MCTP1: variants seen among roughly 807,000 people sequenced by gnomAD.
The protein encoded by MCTP1 is multiple C2 and transmembrane domain containing 1.
MCTP1 carries 69 observed loss-of-function variants against 120.6 expected under a neutral mutation model. The ratio of observed to expected loss-of-function variants is 0.57; its 90% CI spans 0.47 to 0.70. MCTP1 has a LOEUF of 0.70. MCTP1 is among the 30% of genes least tolerant of loss of function. The pLI, the probability that MCTP1 is intolerant of heterozygous loss-of-function variation, is 0.00. For synonymous variants in MCTP1, 529 were observed against 493.1 expected, an observed-to-expected ratio of 1.07 and a Z score of -0.96; for missense variants, 1,203 against 1,248.8, an observed-to-expected ratio of 0.96 and a Z score of 0.55.
At chr5:95,061,497 G>A (rs184076553) in intron 1 of MCTP1, among the ~76,000 whole-genome samples, 5 of 124,886 alleles carry the variant, frequency 4.0e-5, no homozygotes, top group Middle Eastern at 6.2e-3. Context: ...GTGCAGTGGC[G>A]GGATCTCGGC....
At chr5:94,876,747 G>T (rs1798954150) in intron 12 of MCTP1, among the ~76,000 whole-genome samples, 1 of 152,034 alleles carries the variant, frequency 6.6e-6, no homozygotes, top group Admixed American at 6.6e-5. Flanking sequence ...TGCTGGTTGA[G>T]GGCAGGGGCT....
At chr5:94,785,490 G>C (rs936776414) in intron 18 of MCTP1, among the ~76,000 whole-genome samples, 2 of 151,982 alleles carry the variant, frequency 1.3e-5, no homozygotes, top group Non-Finnish European at 2.9e-5. Context: ...AGGGAAAAAA[G>C]TATACACCAA....
chr5:94,925,865 G>T (rs190371936), intron 6 of MCTP1, among the ~76,000 whole-genome samples: 5 of 152,154 alleles, frequency 3.3e-5, no homozygotes, highest in African/African-American at 7.2e-5. Flanking sequence ...TATAAGAGTA[G>T]TAAGATGCAT....
intron 8 of MCTP1, among the ~76,000 whole-genome samples, chr5:94,917,161 T>C (rs1482258973): frequency 6.6e-6 from 1 of 152,186 alleles, no homozygotes; most frequent in Non-Finnish European, 1.5e-5. Context: ...TTTATTGAAG[T>C]GTTGCTAGTC....
chr5:94,850,852 T>C (rs950325920), intron 17 of MCTP1, among the ~76,000 whole-genome samples: 2 of 152,154 alleles, frequency 1.3e-5, no homozygotes, highest in African/African-American at 4.8e-5. Flanking sequence ...TCACAAAATT[T>C]GGAATTAGTT....
At chr5:94,792,686 A>G (rs1278716610) in intron 18 of MCTP1, 1 of 151,906 alleles carries the variant, frequency 6.6e-6, no homozygotes, top group East Asian at 1.9e-4. Flanking sequence ...ACAAAAGCAA[A>G]ACAACAACAA....
At chr5:94,977,443 TA>T (rs1331077131) in intron 2 of MCTP1, among the ~76,000 whole-genome samples, 18 of 151,996 alleles carry the variant, frequency 1.2e-4, no homozygotes, top group African/African-American at 3.6e-4. Flanking sequence ...ATTCCAATGA[TA>T]TTTTTTACAG....
At chr5:95,128,771 G>A (rs538546593) in intron 1 of MCTP1, among the ~76,000 whole-genome samples, 1 of 152,280 alleles carries the variant, frequency 6.6e-6, no homozygotes, top group African/African-American at 2.4e-5. Context: ...ATCAATGCAC[G>A]ACTCTGTGAA....
At chr5:95,102,091 A>G (rs565688859) in intron 1 of MCTP1, among the ~76,000 whole-genome samples, 1 of 152,256 alleles carries the variant, frequency 6.6e-6, no homozygotes, top group African/African-American at 2.4e-5. Flanking sequence ...GGTGGAATTT[A>G]CTTTCCCTCC....
At chr5:94,735,475 C>T (rs1662539007) in intron 19 of MCTP1, among the ~76,000 whole-genome samples, 1 of 152,040 alleles carries the variant, frequency 6.6e-6, no homozygotes, top group Admixed American at 6.6e-5. Context: ...CAGGGTCTTT[C>T]CATGATGCCC....
intron 1 of MCTP1, among the ~76,000 whole-genome samples, chr5:95,276,251 A>ATTTTTTTTT (rs34667866): frequency 4.7e-5 from 4 of 84,742 alleles, no homozygotes; most frequent in African/African-American, 1.4e-4. Context: ...CAATATTGGG[A>ATTTTTTTTT]TTTTTTTTTT....
chr5:95,006,270 A>C (rs1053006202), intron 2 of MCTP1, among the ~76,000 whole-genome samples: 7 of 151,698 alleles, frequency 4.6e-5, no homozygotes, highest in Middle Eastern at 3.2e-3. Context: ...CATACACATA[A>C]ACACATATAC....
In MCTP1 at chr5:94,914,331, G is replaced by A. The variant is rs1003568608; in HGVS notation, c.1351-1355C>T. 5.3e-5 allele frequency among the ~76,000 whole-genome samples: 8 copies of A among 152,136 alleles called. No homozygotes were observed. In the South Asian group the frequency reaches 6.2e-4, roughly 12 times the overall value. On this transcript the variant is annotated intron_variant, in intron 8 of 22. Coordinates refer to ENST00000515393, the MANE Select transcript of MCTP1 (RefSeq NM_024717.7). Reference sequence around the variant, plus strand: ...ATCCGTTCTACGTTAATGTTACAAAGTTACAGTCTATTTTACGTAACTCTG... The same window carrying A: ...ATCCGTTCTACGTTAATGTTACAAAATTACAGTCTATTTTACGTAACTCTG...
intron 1 of MCTP1, among the ~76,000 whole-genome samples, chr5:95,148,943 G>A (rs995060964): frequency 6.6e-6 from 1 of 152,162 alleles, no homozygotes; most frequent in Non-Finnish European, 1.5e-5. Flanking sequence ...CACAGGCACT[G>A]TATACTGGCA....
At chr5:95,015,345 C>T (rs1378743094) in intron 2 of MCTP1, among the ~76,000 whole-genome samples, 1 of 152,002 alleles carries the variant, frequency 6.6e-6, no homozygotes, top group Non-Finnish European at 1.5e-5. Flanking sequence ...CCTCCCACAT[C>T]CTGGTTGATT....
intron 2 of MCTP1, among the ~76,000 whole-genome samples, chr5:94,963,477 T>C (rs961607161): frequency 1.3e-5 from 2 of 149,094 alleles, no homozygotes; most frequent in African/African-American, 5.1e-5. Context: ...TTGTTTTCTT[T>C]TTTTTTTTTT....
chr5:95,088,475 A>G (rs2152336545), intron 1 of MCTP1, among the ~76,000 whole-genome samples: 1 of 152,350 alleles, frequency 6.6e-6, no homozygotes, highest in East Asian at 1.9e-4. Context: ...CTTGCCATAG[A>G]CCATCCCACT....
chr5:94,949,508 G>C (rs1819943794), intron 3 of MCTP1, among the ~76,000 whole-genome samples: 1 of 151,794 alleles, frequency 6.6e-6, no homozygotes, highest in Non-Finnish European at 1.5e-5. Context: ...CAATTGCAAA[G>C]AATATTTTTA....
chr5:95,127,335 G>A (rs1299365061), intron 1 of MCTP1, among the ~76,000 whole-genome samples: 1 of 152,104 alleles, frequency 6.6e-6, no homozygotes, highest in African/African-American at 2.4e-5. Flanking sequence ...GCTCTTCAGT[G>A]GGATACTCAG....
Sources: allele counts gnomAD v4.1 joint callset (sites outside exome capture counted in the v4.1 genomes callset), GRCh38; gene constraint gnomAD v4.1.1; transcripts MANE v1.5; gene names NCBI Gene and HGNC (gene_info 2026-07-23, HGNC 2026-07-21).